The following CTNNB1 variants were observed in gnomAD, a reference collection of about 807,000 sequenced individuals.
The protein encoded by CTNNB1 is catenin beta 1, also known as catenin beta-1.
A neutral mutation model predicts 82.5 loss-of-function variants in CTNNB1; 6 were observed. That is an observed-to-expected ratio of 0.07 (90% CI 0.04 to 0.14). The LOEUF (loss-of-function observed/expected upper bound fraction) is 0.14. Ranked by LOEUF, CTNNB1 falls within the 10% of genes least tolerant of loss-of-function variation. CTNNB1 has a pLI of 1.00. For synonymous variants in CTNNB1, 312 were observed against 329.7 expected, an observed-to-expected ratio of 0.95 and a Z score of 0.58; for missense variants, 529 against 980.4, an observed-to-expected ratio of 0.54 and a Z score of 6.15.
chr3:41,237,362 A>G (rs2078459358), intron 13 of CTNNB1: 1 of 151,540 alleles, frequency 6.6e-6, no homozygotes, highest in South Asian at 2.1e-4. Flanking sequence ...CTATAGTCCT[A>G]GCTACTGGGG....
intron 1 of CTNNB1, among the ~76,000 whole-genome samples, chr3:41,212,100 G>A (rs1290402215): frequency 6.6e-6 from 1 of 152,182 alleles, no homozygotes. Flanking sequence ...GCTGATGTCA[G>A]ATGTTTTGCC....
chr3:41,201,744 C>G (rs2077535142), intron 1 of CTNNB1, among the ~76,000 whole-genome samples: 1 of 151,524 alleles, frequency 6.6e-6, no homozygotes, highest in Non-Finnish European at 1.5e-5. Flanking sequence ...AAGCATTTAA[C>G]AGTGTTCAGG....
chr3:41,218,367 ATAAATGTGATGGAACTGGTTC>A (rs2077960683), intron 1 of CTNNB1, among the ~76,000 whole-genome samples: 1 of 152,198 alleles, frequency 6.6e-6, no homozygotes, highest in Non-Finnish European at 1.5e-5. Context: ...TGATAACATT[ATAAATGTGATGGAACTGGTTC>A]CTCCTTATAG....
chr3:41,221,070 T>A (rs562120995), intron 1 of CTNNB1: 7 of 152,342 alleles, frequency 4.6e-5, no homozygotes, highest in South Asian at 2.1e-4. Flanking sequence ...TGCATTAGAC[T>A]GGATGGAAAA....
rs775857557 is a variant in CTNNB1 at position 41,224,945 on chromosome 3, CT to C, written c.242-5del. 7 of 1,613,856 alleles carry C rather than the reference CT, an allele frequency of 4.3e-6. No individual in the cohort carries two copies. The highest frequency in any genetic ancestry group is 5.9e-6 in the Non-Finnish European group (7 of 1,179,936). ...TGTGGATAGTGAGTGTTGAATTAAC[CT>C]TTTCCAGATATTGATGGACAGTATG... On this transcript the variant is annotated splice_polypyrimidine_tract_variant and splice_region_variant and intron_variant, in intron 3 of 14. Transcript: ENST00000349496.
At chr3:41,236,226 ATAT>A (rs1004185368) in intron 11 of CTNNB1, 120 bp from the exon 12 acceptor site, 1 of 1,148,686 alleles carries the variant, frequency 8.7e-7, no homozygotes, top group African/African-American at 1.5e-5. Flanking sequence ...AATTCAGAGA[ATAT>A]TATTTACTAC....
In CTNNB1 at chr3:41,234,182, A is replaced by G. The variant is rs754382114; in HGVS notation, c.1568A>G (p.Asn523Ser). The G allele has an allele frequency of 1.9e-6, 3 of 1,614,202 alleles. No individual in the cohort carries two copies. The highest frequency in any genetic ancestry group is 3.3e-5 in the Admixed American group (2 of 60,028). Reference protein sequence around the residue: ...LIRNLALCPANHAPLREQGAI... With the variant: ...LIRNLALCPASHAPLREQGAI... The stretch of plus-strand genomic sequence containing the variant: ...CGAAATCTTGCCCTTTGTCCCGCAA[A>G]TCATGCACCTTTGCGTGAGCAGGGT... The change falls in exon 10 of 15, where the codon AAT (asparagine) becomes AGT (serine). Residue 523 changes from asparagine to serine, a missense_variant. Asn to Ser is a conservative substitution (Grantham distance 46, BLOSUM62 1). Around this residue, in one of 4 missense-constraint regions of CTNNB1, gnomAD observed 411 missense variants for 776.4 expected, o/e 0.53. Coordinates refer to ENST00000349496, the MANE Select transcript of CTNNB1 (RefSeq NM_001904.4).
intron 1 of CTNNB1, chr3:41,200,162 C>G (rs1017109547): frequency 1.3e-5 from 2 of 152,220 alleles, no homozygotes; most frequent in Non-Finnish European, 2.9e-5. Flanking sequence ...CCCATCAGTC[C>G]TGGGGATCGG....
chr3:41,210,465 A>G (rs969125614), intron 1 of CTNNB1, among the ~76,000 whole-genome samples: 5 of 152,084 alleles, frequency 3.3e-5, no homozygotes, highest in Admixed American at 3.3e-4. Context: ...AAAAAAAAAC[A>G]AACAAAAAAC....
chr3:41,232,583 A>G (rs887342954), intron 7 of CTNNB1, among the ~76,000 whole-genome samples: 8 of 151,956 alleles, frequency 5.3e-5, no homozygotes, highest in African/African-American at 7.3e-5. Flanking sequence ...TTAATCTACT[A>G]TGTGGGCATT....
At chr3:41,206,127 G>A (rs2077642636) in intron 1 of CTNNB1, among the ~76,000 whole-genome samples, 3 of 151,838 alleles carry the variant, frequency 2.0e-5, no homozygotes, top group South Asian at 2.1e-4. Context: ...ATATCCCCAC[G>A]GTTTTACTTC....
At position 41,239,184 on chromosome 3, in the gene CTNNB1, G is replaced by A. The variant is rs1471514536; in HGVS notation, c.2188G>A (p.Gly730Ser). The A allele has an allele frequency of 6.2e-7, 1 of 1,614,112 alleles. No homozygotes were observed. Among genetic ancestry groups the A allele is most frequent in the Admixed American group, 1.7e-5 (1 of 60,014 alleles). ...TGGTGGATATGGCCAGGATGCCTTG[G>A]GTATGGACCCCATGATGGAACATGA... The part of the protein sequence containing the change: ...HSGGYGQDAL[G>S]MDPMMEHEMG... Residue 730 changes from glycine to serine, a missense_variant, in exon 15 of 15, where the codon GGT (glycine) becomes AGT (serine). Around this residue, in one of 4 missense-constraint regions of CTNNB1, gnomAD observed 102 missense variants for 130.8 expected, o/e 0.78. Coordinates refer to ENST00000349496, the MANE Select transcript of CTNNB1 (RefSeq NM_001904.4).
intron 1 of CTNNB1, chr3:41,220,488 A>G (rs1798802): frequency 0.43 from 64,798 of 149,700 alleles, 15,096 homozygotes; most frequent in East Asian, 0.69. Context: ...GTAACTTAAA[A>G]TGTTAGTGTT....
intron 11 of CTNNB1, 68 bp downstream of exon 11, chr3:41,235,911 A>T: frequency 6.4e-7 from 1 of 1,561,798 alleles, no homozygotes; most frequent in Non-Finnish European, 8.8e-7. Flanking sequence ...GACTAATAAC[A>T]TTTCAGAAAA....
At position 41,225,212 on chromosome 3, in the gene CTNNB1, G is replaced by C. The variant is rs2125621336; in HGVS notation, c.495+5G>C. On this transcript the variant is annotated splice_donor_5th_base_variant and intron_variant, in intron 4 of 14. Coordinates refer to ENST00000349496, the MANE Select transcript of CTNNB1 (RefSeq NM_001904.4). This position sits in a 1 kb window ranked among gnomAD's most constrained non-coding sequence, Gnocchi z 5.3. ...CTGCTAAATGACGAGGACCAGGTAA[G>C]CAATGACATAGCTAGCTTTTTAGTC... 6.2e-7 allele frequency: 1 copy of C among 1,614,080 alleles called. No homozygotes were observed. Among genetic ancestry groups the C allele is most frequent in the African/African-American group, 1.3e-5 (1 of 75,058 alleles).
At chr3:41,234,382 G>A in intron 10 of CTNNB1, 85 bp downstream of exon 10, 2 of 1,362,818 alleles carry the variant, frequency 1.5e-6, no homozygotes, top group Admixed American at 3.5e-5. Flanking sequence ...TTTGGTCATT[G>A]GTTCCCCCCA....
intron 1 of CTNNB1, among the ~76,000 whole-genome samples, chr3:41,213,768 G>A (rs1196188836): frequency 6.6e-6 from 1 of 152,128 alleles, no homozygotes; most frequent in East Asian, 1.9e-4. Context: ...ATTTATTGGT[G>A]TGTTTTTGGA....
At chr3:41,210,463 A>T (rs1467809344) in intron 1 of CTNNB1, among the ~76,000 whole-genome samples, 1 of 152,136 alleles carries the variant, frequency 6.6e-6, no homozygotes, top group Non-Finnish European at 1.5e-5. Flanking sequence ...TCAAAAAAAA[A>T]CAAACAAAAA....
chr3:41,203,545 A>C (rs2077583054), intron 1 of CTNNB1, among the ~76,000 whole-genome samples: 1 of 152,204 alleles, frequency 6.6e-6, no homozygotes, highest in Non-Finnish European at 1.5e-5. Flanking sequence ...ATTAATGAAA[A>C]TGTGAATTGT....
Sources: gnomAD v4.1 joint callset for allele counts (sites outside exome capture counted in the v4.1 genomes callset) on GRCh38, gnomAD v4.1.1 for gene constraint, gnomAD v4.1.1 regional missense constraint, Gnocchi (gnomAD v3.1) non-coding constraint, MANE v1.5 for transcripts, NCBI Gene and HGNC (gene_info 2026-07-23, HGNC 2026-07-21) for gene names.